Variants in LBP observed in about 807,000 individuals in gnomAD.
LBP encodes the protein lipopolysaccharide binding protein.
A neutral mutation model predicts 56.6 loss-of-function variants in LBP; 53 were observed. That is an observed-to-expected ratio of 0.94 (90% CI 0.75 to 1.18). The LOEUF (loss-of-function observed/expected upper bound fraction) is 1.18, where lower values mean the gene tolerates loss of function less well. Ranked by LOEUF, LBP falls within the 50% of genes most tolerant of loss-of-function variation. The pLI is 0.00. For missense variants in LBP, 601 were observed against 598.3 expected (o/e 1.00, Z -0.05); for synonymous variants, 227 against 247.5 (o/e 0.92, Z 0.78).
chr20:38,375,595 ATTAAC>A (rs778833667), intron 14 of LBP, among the ~76,000 whole-genome samples: 2 of 152,208 alleles, frequency 1.3e-5, no homozygotes, highest in South Asian at 2.1e-4. Context: ...GAAAAAAAAA[ATTAAC>A]TTAAGGTTCT....
chr20:38,373,879 C>A, intron 13 of LBP, 58 bp from the exon 14 acceptor site: 2 of 1,472,902 alleles, frequency 1.4e-6, no homozygotes, highest in South Asian at 1.1e-5. Context: ...CGGTAAAAAT[C>A]TGTCTCTAAT....
chr20:38,353,518 A>G (rs1391147339), intron 3 of LBP, among the ~76,000 whole-genome samples: 2 of 108,784 alleles, frequency 1.8e-5, no homozygotes, highest in African/African-American at 7.2e-5. Context: ...GCTACTGCCT[A>G]TGATGCTTCA....
At chr20:38,365,708 AAAAAAAAAAATATATAT>A (rs1333594571) in intron 8 of LBP, among the ~76,000 whole-genome samples, 9,496 of 66,334 alleles carry the variant, frequency 0.14, 419 homozygotes, top group African/African-American at 0.21. Flanking sequence ...AAAAAAAAAA[AAAAAAAAAAATATATAT>A]ATATATATAT....
intron 12 of LBP, among the ~76,000 whole-genome samples, 166 bp from the exon 13 acceptor site, chr20:38,372,906 A>G (rs550911099): frequency 6.6e-6 from 1 of 152,302 alleles, no homozygotes; most frequent in South Asian, 2.1e-4. Context: ...AAATTTTTCT[A>G]TTCACTTGCA....
chr20:38,372,270 C>G (rs2076903344), intron 12 of LBP, among the ~76,000 whole-genome samples: 1 of 152,204 alleles, frequency 6.6e-6, no homozygotes. Context: ...ACCACCTCCA[C>G]CTGTGCCCTG....
At chr20:38,359,201 T>G in intron 5 of LBP, among the ~76,000 whole-genome samples, 1 of 152,226 alleles carries the variant, frequency 6.6e-6, no homozygotes, top group East Asian at 1.9e-4. Flanking sequence ...TAGAGGGGTT[T>G]TTTTGTTTTT....
At chr20:38,371,013 A>G (rs1413224572) in intron 11 of LBP, among the ~76,000 whole-genome samples, 2 of 152,224 alleles carry the variant, frequency 1.3e-5, no homozygotes, top group African/African-American at 2.4e-5. Flanking sequence ...TTACTTCTTA[A>G]TGTATGAATT....
Position 38,355,385 on chromosome 20 carries a change from G to A in LBP, c.564G>A (p.Lys188=). ...LNLFHNQIES[K]FQKVLESRIC... is the part of the protein sequence containing the mutation. ...TCTTCCACAACCAGATTGAGTCCAAGTTCCAGAAAGTACTGGAGAGCAGGG... is the reference window on the plus strand; with the variant it reads ...TCTTCCACAACCAGATTGAGTCCAAATTCCAGAAAGTACTGGAGAGCAGGG... Residue 188 remains lysine (K), a synonymous_variant, in exon 5 of 15, where the codon AAG becomes AAA. Transcript: ENST00000217407. 3 of 1,613,762 alleles carry A rather than the reference G, an allele frequency of 1.9e-6. No individual in the cohort carries two copies. Among genetic ancestry groups the A allele is most frequent in the Non-Finnish European group, 2.5e-6 (3 of 1,179,982 alleles).
At chr20:38,364,395 G>A (rs368271110) in intron 7 of LBP, among the ~76,000 whole-genome samples, 181 bp from the exon 8 acceptor site, 310 of 152,266 alleles carry the variant, frequency 2.0e-3, no homozygotes, top group Non-Finnish European at 3.5e-3. Context: ...GACTTCCTGT[G>A]GGTTAATGTA....
chr20:38,365,717 A>AAT (rs1310925124), intron 8 of LBP, among the ~76,000 whole-genome samples: 906 of 43,482 alleles, frequency 0.021, 4 homozygotes, highest in South Asian at 0.03. Context: ...AAAAAAAAAA[A>AAT]ATATATATAT....
At chr20:38,367,087 T>A (rs2076884967) in intron 9 of LBP, among the ~76,000 whole-genome samples, 1 of 152,170 alleles carries the variant, frequency 6.6e-6, no homozygotes, top group African/African-American at 2.4e-5. Flanking sequence ...GTCCATAAAA[T>A]GTACCCTAAT....
intron 7 of LBP, 124 bp from the exon 8 acceptor site, chr20:38,364,452 T>A: frequency 1.1e-6 from 1 of 891,328 alleles, no homozygotes; most frequent in South Asian, 1.5e-5. Context: ...ACACTGCCTT[T>A]AATGGTGGAG....
intron 12 of LBP, among the ~76,000 whole-genome samples, chr20:38,371,808 T>TA (rs11086581): frequency 0.16 from 24,836 of 151,984 alleles, 2,842 homozygotes; most frequent in African/African-American, 0.33. Flanking sequence ...TTCAGTTTTT[T>TA]AAAAAATTTG....
intron 8 of LBP, 151 bp from the exon 9 acceptor site, chr20:38,366,618 G>A (rs2076882914): frequency 1.6e-5 from 12 of 737,178 alleles, no homozygotes; most frequent in Non-Finnish European, 2.9e-5. Flanking sequence ...CTCTCCTTGG[G>A]TGAATGCAGG....
chr20:38,348,010 A>G (rs1182423290), intron 1 of LBP, among the ~76,000 whole-genome samples: 1 of 152,216 alleles, frequency 6.6e-6, no homozygotes, highest in African/African-American at 2.4e-5. Context: ...TGGAAAAGAC[A>G]GTGGGAATTA....
intron 9 of LBP, 149 bp from the exon 10 acceptor site, chr20:38,368,846 T>A: frequency 1.4e-6 from 1 of 740,030 alleles, no homozygotes; most frequent in South Asian, 1.7e-5. Context: ...GATGGCCAGT[T>A]TTGCCACTAG....
Position 38,368,928 on chromosome 20 carries a change from C to T in LBP, c.982-67C>T, listed in dbSNP as rs988426683. 5.3e-6 allele frequency: 8 copies of T among 1,505,668 alleles called. No individual in the cohort carries two copies. The East Asian group carries it at 1.1e-4, about 21-fold the overall frequency. 93.3% of individuals were successfully genotyped at this position (1,505,668 alleles called of 1,614,324 possible). On this transcript the variant is annotated intron_variant, in intron 9 of 14. Coordinates refer to ENST00000217407, the MANE Select transcript of LBP (RefSeq NM_004139.5). ...GCAACTTCCAGCTTTATCTGACTCC[C>T]TCAGGCCTCTCCTGGCAGACTTGTA...
At chr20:38,366,096 G>A (rs889183351) in intron 8 of LBP, among the ~76,000 whole-genome samples, 2 of 152,146 alleles carry the variant, frequency 1.3e-5, no homozygotes, top group African/African-American at 4.8e-5. Context: ...GTTTCTTGAA[G>A]CACTTCATAA....
intron 5 of LBP, among the ~76,000 whole-genome samples, 162 bp from the exon 6 acceptor site, chr20:38,360,541 TG>T (rs2076856164): frequency 6.6e-6 from 1 of 152,168 alleles, no homozygotes; most frequent in Non-Finnish European, 1.5e-5. Context: ...ATAGTTTTAT[TG>T]TTTGTATTTC....
Sources: gnomAD v4.1 joint callset for allele counts (sites outside exome capture counted in the v4.1 genomes callset) on GRCh38, gnomAD v4.1.1 for gene constraint, MANE v1.5 for transcripts, NCBI Gene and HGNC (gene_info 2026-07-23, HGNC 2026-07-21) for gene names.